RPS6KA2: variants seen among roughly 807,000 people sequenced by gnomAD.
The protein encoded by RPS6KA2 is ribosomal protein S6 kinase alpha-2.
A neutral mutation model predicts 91.8 loss-of-function variants in RPS6KA2; 42 were observed. The ratio of observed to expected loss-of-function variants is 0.46; its 90% CI spans 0.36 to 0.59. The LOEUF is 0.59. RPS6KA2 is among the 20% of genes least tolerant of loss of function. RPS6KA2 has a pLI of 0.00. For synonymous variants in RPS6KA2, 414 were observed against 393.6 expected (o/e 1.05, Z -0.61); for missense variants, 798 against 978.5 (o/e 0.82, Z 2.46).
intron 2 of RPS6KA2, among the ~76,000 whole-genome samples, chr6:166,723,709 T>C (rs545752054): frequency 1.3e-5 from 2 of 150,760 alleles, no homozygotes; most frequent in African/African-American, 2.5e-5. Flanking sequence ...CTTTTCTTTT[T>C]TTTTTTTTTG....
At position 166,546,185 on chromosome 6, in the gene RPS6KA2, T is replaced by C. The variant is rs6921769; in HGVS notation, c.100-7401A>G. Among the ~76,000 whole-genome samples the C allele has an allele frequency of 6.5e-3, 994 of 152,156 alleles. 10 individuals carry two copies. The highest frequency in any genetic ancestry group is 0.023 in the African/African-American group (963 of 41,506). On this transcript the variant is annotated intron_variant, in intron 1 of 20. Transcript: ENST00000265678. ...ATGAGACGGTAGCTACTGACTGACATGAGTGTATTAAGATGCACAGGAACG... is the reference window on the plus strand; with the variant it reads ...ATGAGACGGTAGCTACTGACTGACACGAGTGTATTAAGATGCACAGGAACG...
At chr6:166,560,967 T>G (rs79187298) in intron 1 of RPS6KA2, among the ~76,000 whole-genome samples, 5,293 of 151,966 alleles carry the variant, frequency 0.035, 321 homozygotes, top group African/African-American at 0.12. Flanking sequence ...CTAATCCCAT[T>G]CACTCATATG....
chr6:166,493,227 C>T lies in RPS6KA2; in HGVS notation c.748-2486G>A, dbSNP rs990756084. ...TTCTTGGTGATGAAGGTGCTGCTGA[C>T]GGTGGGGATGATGCTGGGGCGGAGG... On this transcript the variant is annotated intron_variant, in intron 8 of 20. Coordinates refer to ENST00000265678, the MANE Select transcript of RPS6KA2 (RefSeq NM_021135.6). The surrounding 1 kb of genome is among the most constrained non-coding windows in gnomAD (Gnocchi z 4.7). Among the ~76,000 whole-genome samples, 6 of 152,202 alleles carry T rather than the reference C, an allele frequency of 3.9e-5. No homozygotes were observed. The highest frequency in any genetic ancestry group is 4.2e-4 in the South Asian group (2 of 4,816).
At chr6:166,772,640 G>C (rs547396265) in intron 2 of RPS6KA2, among the ~76,000 whole-genome samples, 1 of 152,160 alleles carries the variant, frequency 6.6e-6, no homozygotes, top group Non-Finnish European at 1.5e-5. Flanking sequence ...TTGTGCCTTC[G>C]CCTATCACCT....
chr6:166,614,277 C>G (rs903019048), intron 1 of RPS6KA2, among the ~76,000 whole-genome samples: 2 of 152,328 alleles, frequency 1.3e-5, no homozygotes, highest in Admixed American at 6.5e-5. Context: ...CTACGCCTGT[C>G]GGAGGCTGAA....
intron 16 of RPS6KA2, among the ~76,000 whole-genome samples, chr6:166,429,337 A>G (rs562869534): frequency 1.7e-4 from 26 of 151,572 alleles, no homozygotes; most frequent in Non-Finnish European, 2.9e-4. Context: ...ACCTAATGCT[A>G]AATGACGAGT....
chr6:166,811,660 T>A (rs77185482), intron 2 of RPS6KA2, among the ~76,000 whole-genome samples: 3,526 of 152,318 alleles, frequency 0.023, 147 homozygotes, highest in African/African-American at 0.08. Context: ...GTTTTATATG[T>A]ACAAAAATTC....
At chr6:166,806,950 G>A (rs926783143) in intron 2 of RPS6KA2, among the ~76,000 whole-genome samples, 8 of 152,262 alleles carry the variant, frequency 5.3e-5, no homozygotes, top group African/African-American at 1.9e-4. Flanking sequence ...AAATCACAAT[G>A]TTACAATTTT....
At chr6:166,710,803 T>A (rs1056443089) in intron 2 of RPS6KA2, among the ~76,000 whole-genome samples, 4 of 152,076 alleles carry the variant, frequency 2.6e-5, no homozygotes, top group Non-Finnish European at 5.9e-5. Flanking sequence ...TTCCCTGGGT[T>A]TTCCTTTGCC....
chr6:166,478,082 G>C (rs1781045954), intron 10 of RPS6KA2, among the ~76,000 whole-genome samples: 1 of 152,210 alleles, frequency 6.6e-6, no homozygotes. Context: ...AGCAGGGGAG[G>C]GGTGCACAGC....
intron 3 of RPS6KA2, among the ~76,000 whole-genome samples, chr6:166,524,340 A>G (rs976943804): frequency 2.4e-4 from 37 of 152,130 alleles, no homozygotes; most frequent in African/African-American, 7.0e-4. Context: ...TTACCAAGAA[A>G]TATTTCACGT....
At chr6:166,510,841 T>C (rs1782457430) in intron 3 of RPS6KA2, among the ~76,000 whole-genome samples, 1 of 151,972 alleles carries the variant, frequency 6.6e-6, no homozygotes, top group African/African-American at 2.4e-5. Context: ...TATTGGTTGT[T>C]AAATGTCTTT....
At chr6:166,690,265 G>C (rs1425323245) in intron 2 of RPS6KA2, among the ~76,000 whole-genome samples, 1 of 152,190 alleles carries the variant, frequency 6.6e-6, no homozygotes, top group Non-Finnish European at 1.5e-5. Context: ...GTGTCAAGCT[G>C]TCCTTACATC....
chr6:166,550,443 T>TAA (rs11307998), intron 1 of RPS6KA2, among the ~76,000 whole-genome samples: 5,776 of 151,698 alleles, frequency 0.038, 390 homozygotes, highest in African/African-American at 0.13. Context: ...TATTAATTGG[T>TAA]AAAAAAAAAG....
intron 2 of RPS6KA2, among the ~76,000 whole-genome samples, chr6:166,647,992 AC>A (rs1582983216): frequency 6.8e-6 from 1 of 147,516 alleles, no homozygotes; most frequent in African/African-American, 2.5e-5. Flanking sequence ...ACACACACGC[AC>A]ATGCTCACAC....
intron 1 of RPS6KA2, among the ~76,000 whole-genome samples, chr6:166,567,184 G>A (rs968939433): frequency 1.3e-5 from 2 of 152,126 alleles, no homozygotes; most frequent in East Asian, 3.9e-4. Context: ...CCCTTTAATC[G>A]GCCATGAGTC....
intron 8 of RPS6KA2, among the ~76,000 whole-genome samples, chr6:166,496,240 C>T (rs1231069642): frequency 6.6e-6 from 1 of 151,566 alleles, no homozygotes; most frequent in Non-Finnish European, 1.5e-5. Flanking sequence ...GTCGCAGCTA[C>T]TTGGGAGGCT....
intron 10 of RPS6KA2, among the ~76,000 whole-genome samples, chr6:166,487,430 G>T (rs1250692228): frequency 2.0e-5 from 3 of 152,196 alleles, no homozygotes; most frequent in Non-Finnish European, 4.4e-5. Context: ...GGTGCTCGGT[G>T]ACAAGGAGGA....
intron 2 of RPS6KA2, among the ~76,000 whole-genome samples, chr6:166,634,822 G>A (rs772234828): frequency 2.6e-5 from 4 of 152,060 alleles, no homozygotes; most frequent in African/African-American, 4.8e-5. Flanking sequence ...GGCTGGTCTC[G>A]AATTCCTGAC....
Sources: allele counts gnomAD v4.1 joint callset (sites outside exome capture counted in the v4.1 genomes callset), GRCh38; gene constraint gnomAD v4.1.1; non-coding constraint Gnocchi (gnomAD v3.1); transcripts MANE v1.5; gene names NCBI Gene and HGNC (gene_info 2026-07-23, HGNC 2026-07-21).